The following CSMD1 variants were observed in gnomAD, a reference collection of about 807,000 sequenced individuals.
CSMD1 encodes CUB and sushi domain-containing protein 1.
Under a neutral mutation model 417.5 loss-of-function variants are expected in CSMD1, and 213 were observed. The observed-to-expected ratio is 0.51, with a 90% CI of 0.46 to 0.57. The LOEUF is 0.57. CSMD1 is among the 20% of genes least tolerant of loss of function. The pLI, the probability that CSMD1 is intolerant of heterozygous loss-of-function variation, is 0.00. For missense variants in CSMD1, 6,923 were observed against 4,529.7 expected, an observed-to-expected ratio of 1.53 and a Z score of -15.17; for synonymous variants, 2,862 against 1,736.8, an observed-to-expected ratio of 1.65 and a Z score of -16.11.
At chr8:4,181,173 A>G (rs1798350435) in intron 3 of CSMD1, among the ~76,000 whole-genome samples, 1 of 152,170 alleles carries the variant, frequency 6.6e-6, no homozygotes. Context: ...AAAGTAAATG[A>G]GAAAGCATTG....
At chr8:4,086,871 G>C (rs557254454) in intron 3 of CSMD1, among the ~76,000 whole-genome samples, 1 of 152,312 alleles carries the variant, frequency 6.6e-6, no homozygotes, top group African/African-American at 2.4e-5. Context: ...TAGCATAAGA[G>C]AGTAAACTGC....
chr8:3,070,126 T>C lies in CSMD1; in HGVS notation c.7474+16971A>G, dbSNP rs143939507. On this transcript the variant is annotated intron_variant, in intron 49 of 69. Coordinates refer to ENST00000635120, the MANE Select transcript of CSMD1 (RefSeq NM_033225.6). ...AGGGCCCTGGGCCTGGCCCACAAAA[T>C]CATCTTCTCCTCCCAGGATTCTAGG... Among the ~76,000 whole-genome samples the C allele has an allele frequency of 7.3e-3, 1,116 of 152,258 alleles. 15 individuals are homozygous for C. The highest frequency in any genetic ancestry group is 0.025 in the African/African-American group (1,046 of 41,542).
chr8:4,392,317 C>T (rs927615857), intron 3 of CSMD1, among the ~76,000 whole-genome samples: 3 of 152,138 alleles, frequency 2.0e-5, no homozygotes, highest in Non-Finnish European at 4.4e-5. Flanking sequence ...CAGGTTTTAC[C>T]ATGGGGACCA....
chr8:4,825,968 T>A (rs978766645), intron 1 of CSMD1, among the ~76,000 whole-genome samples: 1 of 151,802 alleles, frequency 6.6e-6, no homozygotes, highest in Admixed American at 6.6e-5. Context: ...GATGACTAAT[T>A]TTTTTTTAAA....
chr8:4,350,991 C>T (rs868027555), intron 3 of CSMD1, among the ~76,000 whole-genome samples: 2 of 152,130 alleles, frequency 1.3e-5, no homozygotes, highest in African/African-American at 4.8e-5. Context: ...TTTTGCCTCT[C>T]TGCTTAATCG....
chr8:4,192,341 A>G (rs182789176), intron 3 of CSMD1, among the ~76,000 whole-genome samples: 1 of 152,180 alleles, frequency 6.6e-6, no homozygotes, highest in Non-Finnish European at 1.5e-5. Flanking sequence ...GAGGAGCTAT[A>G]ATCAGCAGTT....
intron 5 of CSMD1, among the ~76,000 whole-genome samples, chr8:3,878,808 C>G (rs978709106): frequency 2.6e-5 from 4 of 152,096 alleles, no homozygotes; most frequent in African/African-American, 9.7e-5. Flanking sequence ...TAACGACGAC[C>G]ACAAATCCAG....
At chr8:3,632,910 G>A (rs1796854678) in intron 7 of CSMD1, among the ~76,000 whole-genome samples, 1 of 152,188 alleles carries the variant, frequency 6.6e-6, no homozygotes, top group South Asian at 2.1e-4. Flanking sequence ...ACAAAATGAA[G>A]CAAGGGGCTT....
intron 3 of CSMD1, among the ~76,000 whole-genome samples, chr8:4,099,351 T>C (rs913002173): frequency 7.2e-5 from 11 of 152,108 alleles, no homozygotes; most frequent in African/African-American, 2.2e-4. Flanking sequence ...CAACATCTGT[T>C]CAGTCATAAA....
chr8:4,888,725 G>A (rs570689593), intron 1 of CSMD1, among the ~76,000 whole-genome samples: 1 of 152,230 alleles, frequency 6.6e-6, no homozygotes, highest in African/African-American at 2.4e-5. Context: ...CAGGGAAAGT[G>A]CAGGCCAAGC....
At chr8:3,995,511 T>A (rs370901940) in intron 5 of CSMD1, among the ~76,000 whole-genome samples, 1 of 152,184 alleles carries the variant, frequency 6.6e-6, no homozygotes, top group Non-Finnish European at 1.5e-5. Flanking sequence ...TGACAGGGCA[T>A]TGAAGCTCAG....
chr8:3,815,271 T>C (rs924547349), intron 5 of CSMD1, among the ~76,000 whole-genome samples: 2 of 152,164 alleles, frequency 1.3e-5, no homozygotes, highest in Admixed American at 6.5e-5. Context: ...GGATGTGTCA[T>C]TGATAACAGA....
At chr8:4,104,271 C>T (rs59093083) in intron 3 of CSMD1, among the ~76,000 whole-genome samples, 22,347 of 152,206 alleles carry the variant, frequency 0.15, 1,802 homozygotes, top group South Asian at 0.33. Flanking sequence ...CTCACTCCAT[C>T]TTTTCTTTTG....
chr8:4,421,038 C>A (rs1238258495), intron 2 of CSMD1, among the ~76,000 whole-genome samples: 1 of 151,922 alleles, frequency 6.6e-6, no homozygotes, highest in Admixed American at 6.6e-5. Context: ...TAATTCAGTC[C>A]CCTTAAAGAG....
At chr8:3,609,462 A>G (rs886617261) in intron 8 of CSMD1, among the ~76,000 whole-genome samples, 2 of 152,194 alleles carry the variant, frequency 1.3e-5, no homozygotes, top group Non-Finnish European at 2.9e-5. Context: ...TTTGTATTTT[A>G]TGCTTTATTT....
At chr8:3,672,397 G>A (rs533873643) in intron 7 of CSMD1, among the ~76,000 whole-genome samples, 1 of 152,148 alleles carries the variant, frequency 6.6e-6, no homozygotes, top group African/African-American at 2.4e-5. Context: ...CTCAACCACA[G>A]CTCAGAAAAC....
intron 1 of CSMD1, among the ~76,000 whole-genome samples, chr8:4,712,087 T>G (rs2116868024): frequency 6.6e-6 from 1 of 152,282 alleles, no homozygotes; most frequent in South Asian, 2.1e-4. Flanking sequence ...GAAGAAGAAA[T>G]TAGGCAATGC....
At chr8:3,277,280 A>C (rs995851613) in intron 26 of CSMD1, among the ~76,000 whole-genome samples, 5 of 152,128 alleles carry the variant, frequency 3.3e-5, no homozygotes, top group African/African-American at 7.2e-5. Flanking sequence ...AAGATAGGGG[A>C]GAGTTCTAAG....
At chr8:4,859,280 G>T (rs1468922494) in intron 1 of CSMD1, among the ~76,000 whole-genome samples, 1 of 152,080 alleles carries the variant, frequency 6.6e-6, no homozygotes, top group African/African-American at 2.4e-5. Context: ...ATGGATTAAA[G>T]ACTTAAACGT....
Sources: gnomAD v4.1 joint callset for allele counts (sites outside exome capture counted in the v4.1 genomes callset) on GRCh38, gnomAD v4.1.1 for gene constraint, MANE v1.5 for transcripts, NCBI Gene and HGNC (gene_info 2026-07-23, HGNC 2026-07-21) for gene names.